Variants in CDH12 observed in about 807,000 individuals in gnomAD.
CDH12 encodes cadherin 12, also known as cadherin-12.
In CDH12, 41 loss-of-function variants were observed where a neutral mutation model predicts 74.1. The ratio of observed to expected loss-of-function variants is 0.55; its 90% CI spans 0.43 to 0.72. The LOEUF is 0.72. Ranked by LOEUF, CDH12 falls within the 30% of genes least tolerant of loss-of-function variation. The pLI is 0.00. For missense variants in CDH12, 945 were observed against 977.2 expected (o/e 0.97, Z 0.44); for synonymous variants, 399 against 355.0 (o/e 1.12, Z -1.39).
At chr5:21,902,253 GTATAA>G (rs1174204440) in intron 6 of CDH12, among the ~76,000 whole-genome samples, 7 of 150,522 alleles carry the variant, frequency 4.7e-5, no homozygotes, top group East Asian at 3.9e-4. Context: ...CTACATATAT[GTATAA>G]TATAAGTATA....
intron 1 of CDH12, among the ~76,000 whole-genome samples, chr5:22,581,886 C>T (rs368763): frequency 0.34 from 51,360 of 151,930 alleles, 9,153 homozygotes; most frequent in African/African-American, 0.45. Context: ...AGCCTGAAAA[C>T]ATTTCTATGA....
At position 22,212,587 on chromosome 5, in the gene CDH12, C is replaced by A. The variant is rs1361991680; in HGVS notation, c.-276G>T. On this transcript the variant is annotated 5_prime_UTR_variant, in exon 4 of 15. Coordinates refer to ENST00000382254, the MANE Select transcript of CDH12 (RefSeq NM_004061.5). ...GGAGATCGAAGTTTTCAATCAACAC[C>A]CTCCAAGTAGCTGCATCCTGTGCTC... 44 of 985,514 alleles carry A rather than the reference C, an allele frequency of 4.5e-5. No homozygotes were observed. The highest frequency in any genetic ancestry group is 5.2e-5 in the Non-Finnish European group (43 of 829,832). 61.0% of individuals were successfully genotyped at this position (985,514 alleles called of 1,614,324 possible). A position where few individuals can be genotyped will look rare whatever the true frequency, so the allele number is the denominator to read the frequency against.
chr5:22,122,702 A>G (rs2150277147), intron 4 of CDH12, among the ~76,000 whole-genome samples: 1 of 152,362 alleles, frequency 6.6e-6, no homozygotes, highest in Admixed American at 6.5e-5. Flanking sequence ...TGGTAGAATG[A>G]GCAGGCAGAT....
chr5:22,748,501 T>C (rs1192583227), intron 1 of CDH12, among the ~76,000 whole-genome samples: 1 of 152,154 alleles, frequency 6.6e-6, no homozygotes, highest in African/African-American at 2.4e-5. Flanking sequence ...TATAGAATAC[T>C]GTGTGAATGA....
At chr5:21,952,201 G>C (rs747440494) in intron 6 of CDH12, among the ~76,000 whole-genome samples, 2 of 152,104 alleles carry the variant, frequency 1.3e-5, no homozygotes, top group African/African-American at 4.8e-5. Context: ...AGAGTGACTC[G>C]CAGTTGAGAG....
intron 1 of CDH12, among the ~76,000 whole-genome samples, chr5:22,817,655 T>C (rs1327784531): frequency 6.6e-6 from 1 of 152,162 alleles, no homozygotes; most frequent in Non-Finnish European, 1.5e-5. Context: ...ACTTTTAAAT[T>C]TGTTCATTGG....
At chr5:22,547,149 T>G (rs1396870468) in intron 1 of CDH12, among the ~76,000 whole-genome samples, 1 of 152,198 alleles carries the variant, frequency 6.6e-6, no homozygotes, top group Non-Finnish European at 1.5e-5. Flanking sequence ...ATTAAAAATT[T>G]AAAATAAAAC....
intron 3 of CDH12, among the ~76,000 whole-genome samples, chr5:22,343,524 TCTC>T (rs1445088357): frequency 1.3e-5 from 2 of 151,700 alleles, no homozygotes; most frequent in Admixed American, 6.6e-5. Context: ...TTCATGCCAT[TCTC>T]CTGCCTCAGC....
intron 4 of CDH12, among the ~76,000 whole-genome samples, chr5:22,205,401 C>A (rs955329774): frequency 6.6e-6 from 1 of 152,018 alleles, no homozygotes; most frequent in African/African-American, 2.4e-5. Context: ...AGATTTTAAA[C>A]ATTACAGAAG....
At chr5:21,760,935 ATTCACAC>A (rs1744686549) in intron 12 of CDH12, among the ~76,000 whole-genome samples, 1 of 152,198 alleles carries the variant, frequency 6.6e-6, no homozygotes, top group East Asian at 1.9e-4. Flanking sequence ...AGCATTAAAA[ATTCACAC>A]TAATAAGCAA....
chr5:22,670,798 T>C (rs893131944), intron 1 of CDH12, among the ~76,000 whole-genome samples: 25 of 152,076 alleles, frequency 1.6e-4, no homozygotes, highest in African/African-American at 6.0e-4. Flanking sequence ...CCTCCCATTT[T>C]TCATTTCAGC....
intron 4 of CDH12, among the ~76,000 whole-genome samples, chr5:22,153,184 T>TTC (rs1173797046): frequency 2.0e-5 from 1 of 49,534 alleles, no homozygotes; most frequent in Non-Finnish European, 6.5e-5. Flanking sequence ...TTTTCTTTTC[T>TTC]TTTTTTTTTT....
At chr5:22,326,143 GT>G (rs1361094412) in intron 3 of CDH12, among the ~76,000 whole-genome samples, 19 of 152,126 alleles carry the variant, frequency 1.2e-4, no homozygotes, top group African/African-American at 4.3e-4. Flanking sequence ...CCTAATGTCA[GT>G]ATTTGGAAAC....
intron 2 of CDH12, among the ~76,000 whole-genome samples, chr5:22,477,760 C>A (rs1280987001): frequency 6.6e-6 from 1 of 152,090 alleles, no homozygotes; most frequent in Non-Finnish European, 1.5e-5. Flanking sequence ...CGGCCAACAA[C>A]AAAAACCTCA....
intron 8 of CDH12, among the ~76,000 whole-genome samples, chr5:21,828,957 A>G (rs937372596): frequency 9.8e-6 from 1 of 102,322 alleles, no homozygotes; most frequent in Non-Finnish European, 1.9e-5. Flanking sequence ...ATTTAGGTAT[A>G]TATTGTTTTT....
chr5:22,829,691 C>T (rs1209840829), intron 1 of CDH12, among the ~76,000 whole-genome samples: 2 of 152,162 alleles, frequency 1.3e-5, no homozygotes, highest in Admixed American at 1.3e-4. Context: ...CAATGAGATA[C>T]TTCTACCCCA....
At chr5:22,616,277 G>T in intron 1 of CDH12, among the ~76,000 whole-genome samples, 1 of 152,046 alleles carries the variant, frequency 6.6e-6, no homozygotes, top group East Asian at 1.9e-4. Flanking sequence ...CTTCTTTGAA[G>T]GAAGCATATA....
At chr5:22,389,924 A>G (rs1742163858) in intron 3 of CDH12, among the ~76,000 whole-genome samples, 1 of 152,042 alleles carries the variant, frequency 6.6e-6, no homozygotes, top group African/African-American at 2.4e-5. Flanking sequence ...CTGGGATTAC[A>G]GGCGTGAGCC....
intron 1 of CDH12, among the ~76,000 whole-genome samples, chr5:22,835,217 A>G (rs1351349653): frequency 6.6e-6 from 1 of 152,068 alleles, no homozygotes; most frequent in African/African-American, 2.4e-5. Flanking sequence ...CTCTGTTCAC[A>G]TATAACATTT....
Sources: allele counts gnomAD v4.1 joint callset (sites outside exome capture counted in the v4.1 genomes callset), GRCh38; gene constraint gnomAD v4.1.1; transcripts MANE v1.5; gene names NCBI Gene and HGNC (gene_info 2026-07-23, HGNC 2026-07-21).